The following SULF2 variants were observed in gnomAD, a reference collection of about 807,000 sequenced individuals.
SULF2 encodes extracellular sulfatase Sulf-2.
SULF2 carries 52 observed loss-of-function variants against 107.7 expected under a neutral mutation model. The ratio of observed to expected loss-of-function variants is 0.48; its 90% CI spans 0.39 to 0.61. The LOEUF (loss-of-function observed/expected upper bound fraction) is 0.61. Ranked by LOEUF, SULF2 falls within the 20% of genes least tolerant of loss-of-function variation. The pLI is 0.00. For synonymous variants in SULF2, 460 were observed against 464.3 expected, an observed-to-expected ratio of 0.99 and a Z score of 0.12; for missense variants, 993 against 1,177.3, an observed-to-expected ratio of 0.84 and a Z score of 2.29.
Position 47,658,046 on chromosome 20 carries a change from C to T in SULF2, c.*316G>A, listed in dbSNP as rs2086949900. 1 of 389,000 alleles carries T rather than the reference C, an allele frequency of 2.6e-6. No homozygotes were observed. Among genetic ancestry groups the T allele is most frequent in the Admixed American group, 4.0e-5 (1 of 25,152 alleles). 24.1% of individuals were successfully genotyped at this position (389,000 alleles called of 1,614,324 possible). A position where few individuals can be genotyped will look rare whatever the true frequency, so the allele number is the denominator to read the frequency against. On this transcript the variant is annotated 3_prime_UTR_variant, in exon 21 of 21. Transcript: ENST00000688720. ...GAAATTTCCAAGGAAATCTCTCTCG[C>T]TCGCTCTCTCCGTTTTCCTTTGTGA...
chr20:47,665,700 C>T (rs968014936), intron 13 of SULF2, among the ~76,000 whole-genome samples, 157 bp downstream of exon 13: 1 of 152,242 alleles, frequency 6.6e-6, no homozygotes, highest in African/African-American at 2.4e-5. Flanking sequence ...CATGCTGGGA[C>T]TGACACCTAT....
rs767154490 is a variant in SULF2, at chr20:47,658,487, A to G, written c.2583-95T>C. On this transcript the variant is annotated intron_variant, in intron 20 of 20. Coordinates refer to ENST00000688720, the MANE Select transcript of SULF2 (RefSeq NM_001387048.1). Reference sequence around the variant, plus strand: ...CTATAGCTGAGGAAGCTTTGCTTCAAGGCTGCTGAGAATGAATATTTCTAG... The same window carrying G: ...CTATAGCTGAGGAAGCTTTGCTTCAGGGCTGCTGAGAATGAATATTTCTAG... The G allele has an allele frequency of 2.9e-5, 38 of 1,293,672 alleles. No homozygotes were observed. The Admixed American group carries it at 5.9e-4, about 20-fold the overall frequency. The allele number at this position is 1,293,672 out of a possible 1,614,324, so 80.1% of individuals were successfully genotyped here. A position where few individuals can be genotyped will look rare whatever the true frequency, so the allele number is the denominator to read the frequency against.
chr20:47,728,302 G>A (rs2089501468), intron 3 of SULF2, among the ~76,000 whole-genome samples: 2 of 152,184 alleles, frequency 1.3e-5, no homozygotes, highest in South Asian at 4.1e-4. Flanking sequence ...CAAGCAAAGA[G>A]AAGGCTGCCA....
At chr20:47,700,719 C>T (rs1461583660) in intron 4 of SULF2, among the ~76,000 whole-genome samples, 1 of 148,760 alleles carries the variant, frequency 6.7e-6, no homozygotes, top group Admixed American at 6.9e-5. Flanking sequence ...GATCTCGGCT[C>T]ACTGCAACCT....
At position 47,736,956 on chromosome 20, in the gene SULF2, G is replaced by C; in HGVS notation, c.176-14C>G. 3.7e-6 allele frequency: 6 copies of C among 1,613,978 alleles called. No homozygotes were observed. Among genetic ancestry groups the C allele is most frequent in the Non-Finnish European group, 5.1e-6 (6 of 1,179,882 alleles). Reference sequence around the variant, plus strand: ...CCTGCATGGAACCTGCAAGTCAAGGGTGGAAGTAAGGCGCAGGGCAGGAGA... The same window carrying C: ...CCTGCATGGAACCTGCAAGTCAAGGCTGGAAGTAAGGCGCAGGGCAGGAGA... On this transcript the variant is annotated splice_polypyrimidine_tract_variant and intron_variant, in intron 2 of 20. Coordinates refer to ENST00000688720, the MANE Select transcript of SULF2 (RefSeq NM_001387048.1).
At chr20:47,729,116 C>A (rs78386466) in intron 3 of SULF2, among the ~76,000 whole-genome samples, 1 of 152,138 alleles carries the variant, frequency 6.6e-6, no homozygotes, top group Non-Finnish European at 1.5e-5. Flanking sequence ...AACACAGACA[C>A]GAGGAAAGTG....
chr20:47,707,866 A>G (rs1031263989), intron 3 of SULF2, among the ~76,000 whole-genome samples: 1 of 152,220 alleles, frequency 6.6e-6, no homozygotes, highest in Non-Finnish European at 1.5e-5. Flanking sequence ...GTGGCAAACA[A>G]TACTGTCAGT....
rs77165357 is a variant in SULF2, at chr20:47,762,253, T to A, written c.-100-4790A>T. Among the ~76,000 whole-genome samples, 1,177 of 152,336 alleles carry A rather than the reference T, an allele frequency of 7.7e-3. 13 individuals carry two copies. Among genetic ancestry groups the A allele is most frequent in the African/African-American group, 0.027 (1,104 of 41,576 alleles). On this transcript the variant is annotated intron_variant, in intron 1 of 20. Transcript: ENST00000688720. Reference sequence around the variant, plus strand: ...GCAGCCAGCGTTCTAAGATGCACATTCACGTTCCTTCAGAGAGACAGACGT... The same window carrying A: ...GCAGCCAGCGTTCTAAGATGCACATACACGTTCCTTCAGAGAGACAGACGT...
chr20:47,765,009 C>G (rs895798795), intron 1 of SULF2, among the ~76,000 whole-genome samples: 8 of 152,082 alleles, frequency 5.3e-5, no homozygotes, highest in Non-Finnish European at 1.2e-4. Context: ...TGAATACTGT[C>G]CCTTTGGTCC....
intron 5 of SULF2, among the ~76,000 whole-genome samples, chr20:47,686,515 C>T (rs2088009705): frequency 6.6e-6 from 1 of 152,182 alleles, no homozygotes. Flanking sequence ...CCTCTCTTCC[C>T]AGTCAAGGCT....
intron 1 of SULF2, among the ~76,000 whole-genome samples, chr20:47,759,373 G>A (rs1432393882): frequency 6.6e-6 from 1 of 152,118 alleles, no homozygotes; most frequent in African/African-American, 2.4e-5. Context: ...CTTTGCCCCA[G>A]GGTCTTTGCA....
intron 2 of SULF2, among the ~76,000 whole-genome samples, chr20:47,752,497 A>G (rs1600649658): frequency 6.6e-6 from 1 of 151,434 alleles, no homozygotes; most frequent in African/African-American, 2.4e-5. Flanking sequence ...TGGGAGGCCA[A>G]TGGGGGGCGG....
intron 3 of SULF2, among the ~76,000 whole-genome samples, chr20:47,735,463 G>A (rs2089706198): frequency 6.6e-6 from 1 of 152,162 alleles, no homozygotes; most frequent in Admixed American, 6.5e-5. Context: ...CAAGTTGCAG[G>A]TGCATCTTCA....
chr20:47,721,771 AAC>A (rs1478128009), intron 3 of SULF2, among the ~76,000 whole-genome samples: 9 of 152,240 alleles, frequency 5.9e-5, no homozygotes, highest in African/African-American at 2.2e-4. Flanking sequence ...AGAGGGAGGG[AAC>A]CAATCTTTCC....
At chr20:47,700,573 CA>C (rs1352533743) in intron 4 of SULF2, among the ~76,000 whole-genome samples, 1 of 151,712 alleles carries the variant, frequency 6.6e-6, no homozygotes, top group Non-Finnish European at 1.5e-5. Context: ...AAGACAACAC[CA>C]AGTGCTGATA....
In SULF2 at chr20:47,666,281, T is replaced by C; in HGVS notation, c.1784A>G (p.Asn595Ser). 6.2e-7 allele frequency: 1 copy of C among 1,614,030 alleles called. No individual in the cohort carries two copies. The highest frequency in any genetic ancestry group is 1.6e-4 in the Middle Eastern group (1 of 6,062). The change falls in exon 12 of 21, where the codon AAC becomes AGC. Residue 595 changes from asparagine (N) to serine (S), a missense_variant. By Grantham distance (46) the Asn-to-Ser change is conservative (BLOSUM62 1). This residue lies in a region of SULF2 where 497 missense variants were observed against 544.1 expected (regional missense o/e 0.91). Coordinates refer to ENST00000688720, the MANE Select transcript of SULF2 (RefSeq NM_001387048.1). This position sits in a 1 kb window ranked among gnomAD's most constrained non-coding sequence, Gnocchi z 5.4. ...TCACCGATGTGTCACTTTAATGGGG[T>C]TGGCGGCTGAGTAGTCGGGAAGGCC... ...TGGLPDYSAA[N>S]PIKVTHRCYI...
At chr20:47,746,983 A>AAT (rs758275064) in intron 2 of SULF2, among the ~76,000 whole-genome samples, 904 of 11,360 alleles carry the variant, frequency 0.08, 8 homozygotes, top group Admixed American at 0.19. Flanking sequence ...TTAAATAAAT[A>AAT]AAAAAAAAAA....
At chr20:47,663,381 G>A (rs1568778927) in intron 16 of SULF2, 72 bp downstream of exon 16, 6 of 1,593,296 alleles carry the variant, frequency 3.8e-6, no homozygotes, top group South Asian at 3.3e-5. Context: ...AGAGAGGTCT[G>A]GGTCACTAAG....
At chr20:47,735,578 C>T (rs2089709269) in intron 3 of SULF2, among the ~76,000 whole-genome samples, 1 of 152,216 alleles carries the variant, frequency 6.6e-6, no homozygotes, top group African/African-American at 2.4e-5. Flanking sequence ...ACTTCTGACA[C>T]ATGTGGCTTT....
Sources: gnomAD v4.1 joint callset for allele counts (sites outside exome capture counted in the v4.1 genomes callset) on GRCh38, gnomAD v4.1.1 for gene constraint, gnomAD v4.1.1 regional missense constraint, Gnocchi (gnomAD v3.1) non-coding constraint, MANE v1.5 for transcripts, NCBI Gene and HGNC (gene_info 2026-07-23, HGNC 2026-07-21) for gene names.